Variants in CDK14 observed in about 807,000 individuals in gnomAD.
CDK14 encodes the protein cyclin dependent kinase 14, also known as cyclin-dependent kinase 14.
Under a neutral mutation model 60.7 loss-of-function variants are expected in CDK14, and 34 were observed. The ratio of observed to expected loss-of-function variants is 0.56; its 90% confidence interval spans 0.43 to 0.75. CDK14 has a LOEUF of 0.75. Among genes scored for constraint, CDK14 ranks in the 30% least tolerant of loss-of-function variants. CDK14 has a pLI of 0.00. For synonymous variants in CDK14, 197 were observed against 203.7 expected, an observed-to-expected ratio of 0.97 and a Z score of 0.28; for missense variants, 482 against 564.1, an observed-to-expected ratio of 0.85 and a Z score of 1.47.
intron 8 of CDK14, among the ~76,000 whole-genome samples, chr7:90,925,553 C>A (rs1793392642): frequency 6.6e-6 from 1 of 152,094 alleles, no homozygotes; most frequent in Non-Finnish European, 1.5e-5. Context: ...ATCACTGATA[C>A]CAGAATTACA....
chr7:90,907,779 A>G (rs1417849470), intron 7 of CDK14, among the ~76,000 whole-genome samples: 4 of 152,040 alleles, frequency 2.6e-5, no homozygotes, highest in African/African-American at 7.2e-5. Flanking sequence ...AAAACTTGCT[A>G]TTTTTCTTTA....
chr7:91,096,563 T>TA (rs572803878), intron 12 of CDK14, among the ~76,000 whole-genome samples: 185 of 149,146 alleles, frequency 1.2e-3, no homozygotes, highest in African/African-American at 3.8e-3. Context: ...ATTTGTTGTT[T>TA]AAAAAAAAAA....
intron 4 of CDK14, among the ~76,000 whole-genome samples, chr7:90,790,274 G>A (rs1805776889): frequency 6.6e-6 from 1 of 152,008 alleles, no homozygotes; most frequent in African/African-American, 2.4e-5. Flanking sequence ...ATTAATCTGA[G>A]ACTAATTATC....
At chr7:91,090,846 C>T (rs536578827) in intron 12 of CDK14, among the ~76,000 whole-genome samples, 5 of 151,986 alleles carry the variant, frequency 3.3e-5, no homozygotes, top group African/African-American at 7.3e-5. Flanking sequence ...ATTCTGTAGG[C>T]GCTGGCCATT....
At chr7:90,780,736 C>T (rs1191005095) in intron 4 of CDK14, among the ~76,000 whole-genome samples, 1 of 152,032 alleles carries the variant, frequency 6.6e-6, no homozygotes, top group Non-Finnish European at 1.5e-5. Flanking sequence ...ATGAACTCAT[C>T]ATTTTATATG....
At chr7:91,187,971 T>C (rs985779750) in intron 14 of CDK14, among the ~76,000 whole-genome samples, 2 of 152,210 alleles carry the variant, frequency 1.3e-5, no homozygotes, top group African/African-American at 4.8e-5. Context: ...CCAGGTAGCC[T>C]TTTCCTATTG....
At chr7:91,199,414 G>T (rs2115985726) in intron 14 of CDK14, among the ~76,000 whole-genome samples, 1 of 152,004 alleles carries the variant, frequency 6.6e-6, no homozygotes, top group East Asian at 1.9e-4. Flanking sequence ...TTTCCCATTG[G>T]CTGAGACAGG....
chr7:90,931,466 A>T (rs1793588969), intron 8 of CDK14, among the ~76,000 whole-genome samples: 1 of 152,202 alleles, frequency 6.6e-6, no homozygotes, highest in Non-Finnish European at 1.5e-5. Context: ...GATGGATGTG[A>T]TGTCAAACAA....
At chr7:90,668,085 G>T (rs577051335) in intron 2 of CDK14, among the ~76,000 whole-genome samples, 2 of 152,202 alleles carry the variant, frequency 1.3e-5, no homozygotes, top group Non-Finnish European at 1.5e-5. Flanking sequence ...ATAACTTTTT[G>T]CGGAACTGCA....
rs73400918 is a variant in CDK14 at position 91,086,070 on chromosome 7, A to G, written c.1154+6590A>G. Among the ~76,000 whole-genome samples, 1,231 of 152,300 alleles carry G rather than the reference A, an allele frequency of 8.1e-3. 17 individuals carry two copies. Among genetic ancestry groups the G allele is most frequent in the African/African-American group, 0.027 (1,137 of 41,556 alleles). ...GCCATATTGGGTGACACAATTCTAG[A>G]TCATTTAAATGCTCGTCAGTGTAAT... On this transcript the variant is annotated intron_variant, in intron 12 of 14. Coordinates refer to ENST00000380050, the MANE Select transcript of CDK14 (RefSeq NM_001287135.2).
chr7:91,118,289 T>G (rs1799673262), intron 14 of CDK14, 81 bp downstream of exon 14: 3 of 653,056 alleles, frequency 4.6e-6, no homozygotes. Context: ...TCAGACTCGT[T>G]TTTTCACCAA....
intron 14 of CDK14, among the ~76,000 whole-genome samples, chr7:91,198,263 G>T (rs1802613663): frequency 6.6e-6 from 1 of 152,186 alleles, no homozygotes; most frequent in Non-Finnish European, 1.5e-5. Flanking sequence ...TTGTGGTGGG[G>T]GGGAAATAAG....
intron 2 of CDK14, among the ~76,000 whole-genome samples, chr7:90,641,381 C>A (rs1198732788): frequency 2.0e-5 from 3 of 152,040 alleles, no homozygotes. Flanking sequence ...ATCCCAATGT[C>A]CATCATCTGA....
intron 2 of CDK14, among the ~76,000 whole-genome samples, chr7:90,661,667 G>C (rs1800868241): frequency 6.6e-6 from 1 of 152,104 alleles, no homozygotes; most frequent in South Asian, 2.1e-4. Context: ...TTTTTAACGG[G>C]TTTCTAATCC....
intron 4 of CDK14, among the ~76,000 whole-genome samples, chr7:90,761,093 CAGTG>C (rs1376285432): frequency 7.9e-5 from 12 of 152,122 alleles, no homozygotes; most frequent in African/African-American, 1.9e-4. Flanking sequence ...ATGAAAGTGA[CAGTG>C]AGGATATTGT....
intron 14 of CDK14, among the ~76,000 whole-genome samples, chr7:91,179,318 C>T (rs1044326784): frequency 6.8e-4 from 88 of 129,436 alleles, no homozygotes; most frequent in Non-Finnish European, 1.1e-3. Context: ...ATCACATGGA[C>T]ACAGGAAGGG....
chr7:91,195,796 C>T (rs1802516986), intron 14 of CDK14, among the ~76,000 whole-genome samples: 2 of 152,234 alleles, frequency 1.3e-5, no homozygotes, highest in Admixed American at 1.3e-4. Flanking sequence ...GACTCTCCAC[C>T]CAAAGCCTCC....
intron 2 of CDK14, among the ~76,000 whole-genome samples, chr7:90,611,761 A>G (rs557090945): frequency 8.6e-5 from 13 of 151,354 alleles, no homozygotes; most frequent in Non-Finnish European, 1.6e-4. Flanking sequence ...CTCCTAGCTT[A>G]TCTTTCAAGG....
rs1292924699 is a variant in CDK14 at position 90,596,363 on chromosome 7, G to A, written c.-265G>A. 1 of 161,728 alleles carries A rather than the reference G, an allele frequency of 6.2e-6. No individual in the cohort carries two copies. Among genetic ancestry groups the A allele is most frequent in the East Asian group, 1.8e-4 (1 of 5,590 alleles). The allele number at this position is 161,728 out of a possible 1,614,324, so 10.0% of individuals were successfully genotyped here. A position where few individuals can be genotyped will look rare whatever the true frequency, so the allele number is the denominator to read the frequency against. On this transcript the variant is annotated 5_prime_UTR_variant, in exon 1 of 15. Transcript: ENST00000380050. Reference sequence around the variant, plus strand: ...AGCCGGGCGGCGGCGGCGCGGCGCGGGGCCACCACGGCGGCGGCGAGCGCG... The same window carrying A: ...AGCCGGGCGGCGGCGGCGCGGCGCGAGGCCACCACGGCGGCGGCGAGCGCG...
Sources: gnomAD v4.1 joint callset for allele counts (sites outside exome capture counted in the v4.1 genomes callset) on GRCh38, gnomAD v4.1.1 for gene constraint, MANE v1.5 for transcripts, NCBI Gene and HGNC (gene_info 2026-07-23, HGNC 2026-07-21) for gene names.